The following NTAQ1 variants were observed in gnomAD, a reference collection of about 807,000 sequenced individuals.
NTAQ1 encodes protein N-terminal glutamine amidohydrolase.
In NTAQ1, 21 loss-of-function variants were observed where a neutral mutation model predicts 28.2. The ratio of observed to expected loss-of-function variants is 0.74; its 90% confidence interval spans 0.53 to 1.07. NTAQ1 has a LOEUF of 1.07. NTAQ1 is among the 50% of genes least tolerant of loss of function. The pLI, the probability that NTAQ1 is intolerant of heterozygous loss-of-function variation, is 0.00. For missense variants in NTAQ1, 264 were observed against 256.6 expected (o/e 1.03, Z -0.20); for synonymous variants, 105 against 90.0 (o/e 1.17, Z -0.94).
chr8:123,449,557 G>GT (rs1815408064), downstream of NTAQ1, among the ~76,000 whole-genome samples: 1 of 152,110 alleles, frequency 6.6e-6, no homozygotes, highest in Non-Finnish European at 1.5e-5. Context: ...TGATTCAGCA[G>GT]TGAGTCCTGC....
chr8:123,457,820 G>A (rs147038262), intron 6 of NTAQ1, among the ~76,000 whole-genome samples: 3,356 of 151,766 alleles, frequency 0.022, 113 homozygotes, highest in African/African-American at 0.075. Context: ...GATCACCTGA[G>A]GTCAGGAGTT....
In NTAQ1 at chr8:123,441,486, G is replaced by A; in HGVS notation, c.*71G>A. 1 of 1,228,672 alleles carries A rather than the reference G, an allele frequency of 8.1e-7. No individual in the cohort carries two copies. The highest frequency in any genetic ancestry group is 1.2e-6 in the Non-Finnish European group (1 of 845,776). The allele number at this position is 1,228,672 out of a possible 1,614,324, so 76.1% of individuals were successfully genotyped here. ...ACAAGCTATCCTTTCATCGAGGACA[G>A]CAAACATTATGGTACAGTTGGCTTG... is the stretch of plus-strand genomic sequence containing the variant. On this transcript the variant is annotated 3_prime_UTR_variant, in exon 6 of 6. Coordinates refer to ENST00000287387, the MANE Select transcript of NTAQ1 (RefSeq NM_018024.3).
chr8:123,443,317 G>C (rs1433280239), downstream of NTAQ1, among the ~76,000 whole-genome samples: 1 of 152,194 alleles, frequency 6.6e-6, no homozygotes, highest in Non-Finnish European at 1.5e-5. Context: ...ACCGCACCCG[G>C]CCAAATTTGC....
chr8:123,434,091 C>T lies in NTAQ1; in HGVS notation c.235-2362C>T, dbSNP rs182033512. Reference sequence around the variant, plus strand: ...TTATAAAAGAGCAGAGTGAGGTTGCCGAGGGGAGGGGCTGAGATTGGAACC... The same window carrying T: ...TTATAAAAGAGCAGAGTGAGGTTGCTGAGGGGAGGGGCTGAGATTGGAACC... On this transcript the variant is annotated intron_variant, in intron 3 of 5. Coordinates refer to ENST00000287387, the MANE Select transcript of NTAQ1 (RefSeq NM_018024.3). 3.1e-4 allele frequency among the ~76,000 whole-genome samples: 47 copies of T among 152,004 alleles called. 2 individuals are homozygous for T. In the East Asian group the frequency reaches 8.5e-3, roughly 28 times the overall value.
At chr8:123,467,711 C>T (rs1042002580) in exon 7 of NTAQ1, among the ~76,000 whole-genome samples, 39 of 152,146 alleles carry the variant, frequency 2.6e-4, no homozygotes, top group African/African-American at 9.4e-4. Context: ...GCCAGAGGAG[C>T]AGTGAATATG....
chr8:123,437,078 C>T (rs1814762496), intron 4 of NTAQ1, 132 bp from the exon 5 acceptor site: 1 of 1,214,508 alleles, frequency 8.2e-7, no homozygotes, highest in Non-Finnish European at 1.1e-6. Flanking sequence ...GTAAAGTTGC[C>T]TGTATTACTA....
chr8:123,416,783 C>T lies in NTAQ1; in HGVS notation c.-67C>T. 6.9e-7 allele frequency: 1 copy of T among 1,454,806 alleles called. No individual in the cohort carries two copies. Among genetic ancestry groups the T allele is most frequent in the South Asian group, 1.3e-5 (1 of 75,438 alleles). 90.1% of individuals were successfully genotyped at this position (1,454,806 alleles called of 1,614,324 possible). ...GGAACCCACGCGGGCCACTACAAGC[C>T]CGCCCTTTCCTACGTCTGGTCCAGT... is the stretch of plus-strand genomic sequence containing the variant. On this transcript the variant is annotated 5_prime_UTR_variant, in exon 1 of 6. Transcript: ENST00000287387.
chr8:123,438,642 AG>A (rs1278915051), intron 5 of NTAQ1, among the ~76,000 whole-genome samples: 2 of 150,344 alleles, frequency 1.3e-5, no homozygotes, highest in African/African-American at 4.9e-5. Flanking sequence ...ACTGCACTCC[AG>A]CCTGAGTGAC....
intron 2 of NTAQ1, among the ~76,000 whole-genome samples, chr8:123,429,681 A>G (rs554036677): frequency 6.6e-6 from 1 of 152,266 alleles, no homozygotes; most frequent in South Asian, 2.1e-4. Flanking sequence ...CCTGGCCAAC[A>G]TGATGAAACC....
At chr8:123,447,675 G>T (rs4637807) in intron 6 of NTAQ1, among the ~76,000 whole-genome samples, 2 of 151,966 alleles carry the variant, frequency 1.3e-5, no homozygotes, top group Non-Finnish European at 2.9e-5. Context: ...CTCCTTACTC[G>T]CTAAGGGTAA....
chr8:123,461,253 G>C (rs1214404484), intron 6 of NTAQ1, among the ~76,000 whole-genome samples: 2 of 152,118 alleles, frequency 1.3e-5, no homozygotes, highest in Admixed American at 1.3e-4. Flanking sequence ...GTCCCCAGCA[G>C]CCTTGGTCCC....
chr8:123,451,628 C>T (rs1815496488), downstream of NTAQ1, among the ~76,000 whole-genome samples: 1 of 152,150 alleles, frequency 6.6e-6, no homozygotes, highest in Non-Finnish European at 1.5e-5. Context: ...CACGAGCCAC[C>T]ACACCTGGTC....
At chr8:123,464,497 A>G (rs892874075) in intron 6 of NTAQ1, among the ~76,000 whole-genome samples, 2 of 152,176 alleles carry the variant, frequency 1.3e-5, no homozygotes, top group African/African-American at 4.8e-5. Flanking sequence ...GAGAGACGCC[A>G]CTGGAGAGAG....
chr8:123,446,080 G>A (rs894455299), downstream of NTAQ1, among the ~76,000 whole-genome samples: 2 of 151,528 alleles, frequency 1.3e-5, no homozygotes, highest in Admixed American at 1.3e-4. Flanking sequence ...TGCAACCTCC[G>A]CCTCCCAGGT....
intron 1 of NTAQ1, among the ~76,000 whole-genome samples, chr8:123,418,305 G>C (rs752059120): frequency 1.3e-5 from 2 of 152,076 alleles, no homozygotes; most frequent in African/African-American, 2.4e-5. Flanking sequence ...ACAAAAATTA[G>C]CCAGGTGTGG....
chr8:123,437,378 A>G lies in NTAQ1; in HGVS notation c.508+44A>G, dbSNP rs376263214. 1.0e-5 allele frequency: 16 copies of G among 1,606,664 alleles called. No individual in the cohort carries two copies. The African/African-American group carries it at 2.0e-4, about 20-fold the overall frequency. ...TCAGATGGGGGTTCTGATTGATCACATACACATCAGCATTTTTCCTTAACG... is the reference window on the plus strand; with the variant it reads ...TCAGATGGGGGTTCTGATTGATCACGTACACATCAGCATTTTTCCTTAACG... On this transcript the variant is annotated intron_variant, in intron 5 of 5. Transcript: ENST00000287387.
chr8:123,432,879 C>T (rs1814482388), intron 3 of NTAQ1, among the ~76,000 whole-genome samples: 1 of 152,014 alleles, frequency 6.6e-6, no homozygotes, highest in African/African-American at 2.4e-5. Flanking sequence ...GGGATTTTGC[C>T]ATGTTGGCCA....
At chr8:123,468,355 A>T (rs1816004894) in exon 7 of NTAQ1, among the ~76,000 whole-genome samples, 1 of 152,200 alleles carries the variant, frequency 6.6e-6, no homozygotes, top group African/African-American at 2.4e-5. Flanking sequence ...TGTACTCATC[A>T]AACAACTCCC....
At chr8:123,447,017 T>G (rs1367500960), downstream of NTAQ1, among the ~76,000 whole-genome samples, 1 of 143,262 alleles carries the variant, frequency 7.0e-6, no homozygotes, top group African/African-American at 2.6e-5. Context: ...CCCTGTTCAT[T>G]GTCTGCTTGA....
Sources: gnomAD v4.1 joint callset for allele counts (sites outside exome capture counted in the v4.1 genomes callset) on GRCh38, gnomAD v4.1.1 for gene constraint, MANE v1.5 for transcripts, NCBI Gene and HGNC (gene_info 2026-07-23, HGNC 2026-07-21) for gene names.